The following SNX24 variants were observed in gnomAD, a reference collection of about 807,000 sequenced individuals.
SNX24 encodes sorting nexin-24.
Under a neutral mutation model 28.7 loss-of-function variants are expected in SNX24, and 22 were observed. That is an observed-to-expected ratio of 0.77 (90% CI 0.55 to 1.10). The LOEUF is 1.10. Ranked by LOEUF, SNX24 falls within the 50% of genes least tolerant of loss-of-function variation. The pLI is 0.00. For synonymous variants in SNX24, 69 were observed against 71.5 expected, an observed-to-expected ratio of 0.96 and a Z score of 0.18; for missense variants, 221 against 201.1, an observed-to-expected ratio of 1.10 and a Z score of -0.60.
At chr5:123,002,832 C>T (rs1762292268) in intron 6 of SNX24, among the ~76,000 whole-genome samples, 1 of 152,206 alleles carries the variant, frequency 6.6e-6, no homozygotes, top group Non-Finnish European at 1.5e-5. Flanking sequence ...TTCTGTTATG[C>T]ATCTCTTTAT....
intron 1 of SNX24, among the ~76,000 whole-genome samples, chr5:122,894,441 TATCCTAAA>T (rs1229237089): frequency 5.9e-5 from 9 of 152,178 alleles, no homozygotes; most frequent in African/African-American, 1.9e-4. Context: ...TTGGTCAGTA[TATCCTAAA>T]AATCACTCCA....
chr5:122,897,988 A>G (rs1436274822), intron 1 of SNX24, among the ~76,000 whole-genome samples: 2 of 152,218 alleles, frequency 1.3e-5, no homozygotes, highest in East Asian at 1.9e-4. Flanking sequence ...ACTAAGATCA[A>G]CAGTATTGTA....
chr5:122,912,796 G>C (rs183647046), intron 1 of SNX24, among the ~76,000 whole-genome samples: 1 of 151,398 alleles, frequency 6.6e-6, no homozygotes, highest in Non-Finnish European at 1.5e-5. Flanking sequence ...GATTTGGCAG[G>C]GTCTAGGACA....
At chr5:122,923,467 G>C (rs569880823) in intron 1 of SNX24, among the ~76,000 whole-genome samples, 3 of 152,222 alleles carry the variant, frequency 2.0e-5, no homozygotes, top group East Asian at 3.9e-4. Context: ...AAACTGAATT[G>C]ATGCTCTCTG....
At chr5:123,014,850 T>G (rs1040387776) in intron 5 of SNX24, among the ~76,000 whole-genome samples, 8 of 152,226 alleles carry the variant, frequency 5.3e-5, no homozygotes, top group African/African-American at 1.9e-4. Context: ...CATGCCAACC[T>G]TGGTCTCTCC....
chr5:122,994,680 G>A (rs754475710), intron 3 of SNX24, among the ~76,000 whole-genome samples: 7 of 152,176 alleles, frequency 4.6e-5, no homozygotes, highest in Non-Finnish European at 8.8e-5. Context: ...GGGGCTGTTG[G>A]TGGTAATGCT....
At position 122,946,048 on chromosome 5, in the gene SNX24, T is replaced by C; in HGVS notation, c.145-7T>C. ...TTTCTTTTTCTTTTCCTATTCTGTC[T>C]TTATAGCTTAAGAAATGTATAAAAA... On this transcript the variant is annotated splice_polypyrimidine_tract_variant and splice_region_variant and intron_variant, in intron 2 of 6. Transcript: ENST00000261369. The C allele has an allele frequency of 6.8e-7, 1 of 1,471,266 alleles. No individual in the cohort carries two copies. The highest frequency in any genetic ancestry group is 1.7e-4 in the Middle Eastern group (1 of 5,748). The allele number at this position is 1,471,266 out of a possible 1,614,324, so 91.1% of individuals were successfully genotyped here. A position where few individuals can be genotyped will look rare whatever the true frequency, so the allele number is the denominator to read the frequency against.
chr5:122,901,897 G>A (rs1179148450), intron 1 of SNX24, among the ~76,000 whole-genome samples: 1 of 152,080 alleles, frequency 6.6e-6, no homozygotes, highest in Non-Finnish European at 1.5e-5. Flanking sequence ...TCCTAATTTT[G>A]GGATATCCCA....
chr5:122,874,610 C>T (rs1160387173), intron 1 of SNX24, among the ~76,000 whole-genome samples: 1 of 152,244 alleles, frequency 6.6e-6, no homozygotes, highest in Non-Finnish European at 1.5e-5. Flanking sequence ...CTGAGCTACA[C>T]AGCATTAGGG....
At chr5:122,897,170 C>T (rs1303480727) in intron 1 of SNX24, among the ~76,000 whole-genome samples, 1 of 138,752 alleles carries the variant, frequency 7.2e-6, no homozygotes, top group Non-Finnish European at 1.7e-5. Flanking sequence ...TCTTCATTGC[C>T]TCATCAGTAT....
At chr5:122,982,602 T>G (rs1761439101) in intron 3 of SNX24, among the ~76,000 whole-genome samples, 1 of 152,206 alleles carries the variant, frequency 6.6e-6, no homozygotes, top group Non-Finnish European at 1.5e-5. Flanking sequence ...ACAGAACAAG[T>G]TGTTAACACA....
At chr5:122,880,721 G>T (rs1756442594) in intron 1 of SNX24, among the ~76,000 whole-genome samples, 1 of 152,296 alleles carries the variant, frequency 6.6e-6, no homozygotes, top group Non-Finnish European at 1.5e-5. Context: ...TAGAGATAAA[G>T]GGGGCAAAAT....
chr5:123,005,552 C>CT (rs1385358557), intron 6 of SNX24, among the ~76,000 whole-genome samples: 1 of 152,152 alleles, frequency 6.6e-6, no homozygotes, highest in Non-Finnish European at 1.5e-5. Flanking sequence ...TCCTTTATGT[C>CT]TTTTTTGCTT....
chr5:122,889,372 C>A (rs1275427773), intron 1 of SNX24, among the ~76,000 whole-genome samples: 1 of 151,678 alleles, frequency 6.6e-6, no homozygotes, highest in Non-Finnish European at 1.5e-5. Flanking sequence ...GCTGAGTACC[C>A]CTCATTCGAA....
intron 1 of SNX24, among the ~76,000 whole-genome samples, chr5:122,871,238 C>G (rs1755962617): frequency 6.6e-6 from 1 of 152,138 alleles, no homozygotes; most frequent in Non-Finnish European, 1.5e-5. Flanking sequence ...GATTCTCATG[C>G]AATAGGGGCT....
intron 5 of SNX24, among the ~76,000 whole-genome samples, chr5:123,027,262 T>C (rs559620935): frequency 9.9e-5 from 15 of 152,250 alleles, no homozygotes; most frequent in Admixed American, 4.6e-4. Context: ...TCAGTGACAC[T>C]TGAAGTGGCC....
intron 1 of SNX24, among the ~76,000 whole-genome samples, chr5:122,901,639 T>A (rs904710558): frequency 6.6e-6 from 1 of 152,336 alleles, no homozygotes; most frequent in Admixed American, 6.5e-5. Context: ...CTCTCACTCT[T>A]GACTTTTGTC....
At chr5:123,014,922 A>T (rs898389309) in intron 5 of SNX24, among the ~76,000 whole-genome samples, 1 of 151,816 alleles carries the variant, frequency 6.6e-6, no homozygotes, top group Non-Finnish European at 1.5e-5. Context: ...TCAAAGGCTG[A>T]CTCATTCTCA....
chr5:122,916,069 C>T (rs1353084105), intron 1 of SNX24, among the ~76,000 whole-genome samples: 3 of 152,192 alleles, frequency 2.0e-5, no homozygotes, highest in Admixed American at 6.5e-5. Context: ...CACATGTTTA[C>T]ACATAAAAGT....
Sources: allele counts gnomAD v4.1 joint callset (sites outside exome capture counted in the v4.1 genomes callset), GRCh38; gene constraint gnomAD v4.1.1; transcripts MANE v1.5; gene names NCBI Gene and HGNC (gene_info 2026-07-23, HGNC 2026-07-21).